The following COMMD10 variants were observed in gnomAD, a reference collection of about 807,000 sequenced individuals.
COMMD10 encodes COMM domain-containing protein 10.
A neutral mutation model predicts 28.9 loss-of-function variants in COMMD10; 33 were observed. The ratio of observed to expected loss-of-function variants is 1.14; its 90% CI spans 0.87 to 1.53. The LOEUF (loss-of-function observed/expected upper bound fraction) is 1.53, where lower values mean the gene tolerates loss of function less well. Ranked by LOEUF, COMMD10 falls within the 40% of genes most tolerant of loss-of-function variation. The pLI, the probability that COMMD10 is intolerant of heterozygous loss-of-function variation, is 0.00. For missense variants in COMMD10, 310 were observed against 233.4 expected (o/e 1.33, Z -2.14); for synonymous variants, 110 against 81.7 (o/e 1.35, Z -1.87).
In COMMD10 at chr5:116,193,824, A is replaced by G. The variant is rs148291012; in HGVS notation, c.510+59646A>G. 4.9e-3 allele frequency among the ~76,000 whole-genome samples: 740 copies of G among 152,292 alleles called. 10 individuals carry two copies. Among genetic ancestry groups the G allele is most frequent in the African/African-American group, 0.016 (683 of 41,572 alleles). ...CTTGGAACAAATGGACTTAGCAGAT[A>G]CATGCAGAACATTTTATCCAACAAC... is the stretch of plus-strand genomic sequence containing the variant. On this transcript the variant is annotated intron_variant, in intron 5 of 6. Coordinates refer to ENST00000274458, the MANE Select transcript of COMMD10 (RefSeq NM_016144.4).
rs535668324 is a variant in COMMD10, at chr5:116,211,812, C to T, written c.510+77634C>T. 2.5e-4 allele frequency among the ~76,000 whole-genome samples: 38 copies of T among 152,178 alleles called. No individual in the cohort carries two copies. The South Asian group carries it at 7.9e-3, about 32-fold the overall frequency. The stretch of plus-strand genomic sequence containing the variant: ...CACACTCTCTCACAGAGGCAGTCAA[C>T]TGTTCATGAAATATTAAGATTATAT... On this transcript the variant is annotated intron_variant, in intron 5 of 6. Transcript: ENST00000274458.
At chr5:116,263,794 C>T (rs890057171) in intron 5 of COMMD10, among the ~76,000 whole-genome samples, 1 of 151,730 alleles carries the variant, frequency 6.6e-6, no homozygotes, top group African/African-American at 2.4e-5. Context: ...CTGAACCAAA[C>T]CAGTGTATTT....
chr5:116,249,271 A>C (rs1400699848), intron 5 of COMMD10, among the ~76,000 whole-genome samples: 1 of 151,940 alleles, frequency 6.6e-6, no homozygotes, highest in Non-Finnish European at 1.5e-5. Flanking sequence ...ATGCCCTCAA[A>C]CATTATTTCA....
chr5:116,237,185 A>G lies in COMMD10; in HGVS notation c.511-54332A>G, dbSNP rs142575923. 4.4e-3 allele frequency among the ~76,000 whole-genome samples: 671 copies of G among 152,196 alleles called. 3 individuals carry two copies. The highest frequency in any genetic ancestry group is 7.2e-3 in the Admixed American group (110 of 15,274). On this transcript the variant is annotated intron_variant, in intron 5 of 6. Coordinates refer to ENST00000274458, the MANE Select transcript of COMMD10 (RefSeq NM_016144.4). ...TCTCTGATATGTTTGATGAACAGCAAGCAGGTTAATGTGGCTCAAGTGAAT... is the reference window on the plus strand; with the variant it reads ...TCTCTGATATGTTTGATGAACAGCAGGCAGGTTAATGTGGCTCAAGTGAAT...
chr5:116,221,530 C>G (rs1749258287), intron 5 of COMMD10, among the ~76,000 whole-genome samples: 1 of 152,096 alleles, frequency 6.6e-6, no homozygotes, highest in Admixed American at 6.5e-5. Context: ...GGTTACATTG[C>G]TAGTTAGTTA....
intron 5 of COMMD10, among the ~76,000 whole-genome samples, chr5:116,227,249 T>C (rs148989732): frequency 3.6e-4 from 55 of 152,146 alleles, no homozygotes; most frequent in African/African-American, 1.1e-3. Context: ...AAGGGCCTTG[T>C]TTTCTCGTTA....
chr5:116,111,945 C>T (rs539249226), intron 4 of COMMD10, among the ~76,000 whole-genome samples: 11 of 152,056 alleles, frequency 7.2e-5, no homozygotes, highest in Non-Finnish European at 1.3e-4. Flanking sequence ...TTTGGGTGCT[C>T]AAATGTTGGG....
intron 5 of COMMD10, among the ~76,000 whole-genome samples, chr5:116,226,013 T>C (rs17139192): frequency 0.1 from 15,908 of 152,092 alleles, 931 homozygotes; most frequent in African/African-American, 0.15. Flanking sequence ...CTAGCATCTT[T>C]AGCCAGTGCG....
At chr5:116,227,464 G>T (rs1015175268) in intron 5 of COMMD10, among the ~76,000 whole-genome samples, 1 of 151,696 alleles carries the variant, frequency 6.6e-6, no homozygotes, top group Non-Finnish European at 1.5e-5. Flanking sequence ...TCTTTAATAT[G>T]ACCTGAAAAA....
chr5:116,243,023 C>A (rs1051515430), intron 5 of COMMD10, among the ~76,000 whole-genome samples: 6 of 152,010 alleles, frequency 3.9e-5, no homozygotes, highest in Non-Finnish European at 8.8e-5. Flanking sequence ...TCCTTTGATC[C>A]TGTTTTTCTT....
At chr5:116,095,906 G>T (rs545375689) in intron 4 of COMMD10, among the ~76,000 whole-genome samples, 4 of 152,084 alleles carry the variant, frequency 2.6e-5, no homozygotes, top group African/African-American at 9.6e-5. Flanking sequence ...CCATGTGTTT[G>T]TCTAAAATCA....
chr5:116,117,800 G>A (rs10062350), intron 4 of COMMD10, among the ~76,000 whole-genome samples: 13,145 of 152,010 alleles, frequency 0.086, 621 homozygotes, highest in Admixed American at 0.13. Flanking sequence ...TCAAATTGTT[G>A]TTTTAAAAAA....
chr5:116,257,517 C>G (rs894322381), intron 5 of COMMD10, among the ~76,000 whole-genome samples: 4 of 151,554 alleles, frequency 2.6e-5, no homozygotes. Flanking sequence ...TAAGACAAAA[C>G]AGCTTTTGAC....
intron 5 of COMMD10, among the ~76,000 whole-genome samples, chr5:116,177,807 A>T (rs1753564721): frequency 6.6e-6 from 1 of 152,112 alleles, no homozygotes; most frequent in Admixed American, 6.6e-5. Flanking sequence ...CACTTTGAAC[A>T]TGCTTTCATT....
chr5:116,141,733 A>G (rs1194841975), intron 5 of COMMD10, among the ~76,000 whole-genome samples: 3 of 151,760 alleles, frequency 2.0e-5, no homozygotes, highest in Non-Finnish European at 4.4e-5. Context: ...CACATAAATA[A>G]GATTGTTTTC....
chr5:116,116,198 T>A (rs1307347117), intron 4 of COMMD10, among the ~76,000 whole-genome samples: 2 of 152,206 alleles, frequency 1.3e-5, no homozygotes, highest in Non-Finnish European at 2.9e-5. Flanking sequence ...TAAGCCATTG[T>A]AAGATTTACT....
At chr5:116,271,550 C>T (rs757886645) in intron 5 of COMMD10, among the ~76,000 whole-genome samples, 5 of 151,624 alleles carry the variant, frequency 3.3e-5, no homozygotes, top group Non-Finnish European at 7.4e-5. Context: ...AGACTGAGAG[C>T]ATGACGACTA....
chr5:116,120,764 T>C (rs1751403734), intron 4 of COMMD10, among the ~76,000 whole-genome samples: 1 of 147,692 alleles, frequency 6.8e-6, no homozygotes, highest in South Asian at 2.1e-4. Flanking sequence ...TTTTTTTTTA[T>C]TACAGAGTAG....
At chr5:116,176,341 T>C (rs1294102193) in intron 5 of COMMD10, among the ~76,000 whole-genome samples, 1 of 152,134 alleles carries the variant, frequency 6.6e-6, no homozygotes, top group African/African-American at 2.4e-5. Flanking sequence ...CTGGAATTCC[T>C]GGCATCAAGT....
Sources: allele counts gnomAD v4.1 joint callset (sites outside exome capture counted in the v4.1 genomes callset), GRCh38; gene constraint gnomAD v4.1.1; transcripts MANE v1.5; gene names NCBI Gene and HGNC (gene_info 2026-07-23, HGNC 2026-07-21).